Variants in PPP1R12A observed in about 807,000 individuals in gnomAD.
PPP1R12A encodes protein phosphatase 1 regulatory subunit 12A.
Under a neutral mutation model 139.6 loss-of-function variants are expected in PPP1R12A, and 19 were observed. The observed-to-expected ratio is 0.14, with a 90% CI of 0.09 to 0.20. The LOEUF (loss-of-function observed/expected upper bound fraction) is 0.20. Among genes scored for constraint, PPP1R12A ranks in the 10% least tolerant of loss-of-function variants. The pLI is 1.00. For synonymous variants in PPP1R12A, 427 were observed against 420.6 expected (o/e 1.02, Z -0.19); for missense variants, 925 against 1,211.5 (o/e 0.76, Z 3.51).
intron 2 of PPP1R12A, among the ~76,000 whole-genome samples, chr12:79,871,068 G>C (rs1220676693): frequency 6.6e-6 from 1 of 152,188 alleles, no homozygotes; most frequent in Non-Finnish European, 1.5e-5. Context: ...TTGTAACCAA[G>C]AGGGGAGAAG....
At chr12:79,876,838 T>C (rs61952067) in intron 1 of PPP1R12A, among the ~76,000 whole-genome samples, 275 of 152,094 alleles carry the variant, frequency 1.8e-3, no homozygotes, top group Non-Finnish European at 3.4e-3. Context: ...GGTGAAACCC[T>C]GTCTCTACTA....
At chr12:79,922,276 A>C (rs1592838523) in intron 1 of PPP1R12A, among the ~76,000 whole-genome samples, 1 of 152,208 alleles carries the variant, frequency 6.6e-6, no homozygotes, top group South Asian at 2.1e-4. Flanking sequence ...CAAAACAAAA[A>C]AAACAATAAA....
Position 79,889,086 on chromosome 12 carries a change from T to C in PPP1R12A, c.238-16148A>G, listed in dbSNP as rs559478344. Among the ~76,000 whole-genome samples the C allele has an allele frequency of 1.1e-4, 17 of 152,330 alleles. No homozygotes were observed. The South Asian group carries it at 2.3e-3, about 20-fold the overall frequency. On this transcript the variant is annotated intron_variant, in intron 1 of 24. Coordinates refer to ENST00000450142, the MANE Select transcript of PPP1R12A (RefSeq NM_002480.3). ...TAAAGAACTAATTTATGGACTAATATGAAACAAATTCCTGGATATTTTGCA... is the reference window on the plus strand; with the variant it reads ...TAAAGAACTAATTTATGGACTAATACGAAACAAATTCCTGGATATTTTGCA...
intron 10 of PPP1R12A, among the ~76,000 whole-genome samples, chr12:79,809,503 T>C (rs752406623): frequency 3.9e-5 from 6 of 152,150 alleles, no homozygotes; most frequent in African/African-American, 7.2e-5. Flanking sequence ...TCTTGAATCA[T>C]AATAAACAAA....
chr12:79,907,681 T>C (rs1886240969), intron 1 of PPP1R12A, among the ~76,000 whole-genome samples: 2 of 152,176 alleles, frequency 1.3e-5, no homozygotes, highest in African/African-American at 4.8e-5. Context: ...GGAGGATCAC[T>C]TGAGGCCAGC....
At chr12:79,860,430 A>G (rs1371863208) in intron 2 of PPP1R12A, among the ~76,000 whole-genome samples, 1 of 152,198 alleles carries the variant, frequency 6.6e-6, no homozygotes, top group Non-Finnish European at 1.5e-5. Flanking sequence ...ACAGTGGAGT[A>G]CTACAACTGA....
At chr12:79,801,808 T>C (rs1040573019) in intron 14 of PPP1R12A, among the ~76,000 whole-genome samples, 6 of 152,320 alleles carry the variant, frequency 3.9e-5, no homozygotes, top group African/African-American at 1.4e-4. Flanking sequence ...TGCTTAAAAT[T>C]AGTTCAGAAA....
Position 79,797,305 on chromosome 12 carries a change from C to T in PPP1R12A, c.2182G>A (p.Glu728Lys), listed in dbSNP as rs1438898187. Residue 728 changes from glutamate to lysine, a missense_variant, in exon 16 of 25, where the codon GAA becomes AAA. Around this residue, in one of 4 missense-constraint regions of PPP1R12A, gnomAD observed 315 missense variants for 363.4 expected, o/e 0.87. Coordinates refer to ENST00000450142, the MANE Select transcript of PPP1R12A (RefSeq NM_002480.3). ...RTREQENEEK[E>K]KEEKEKQDKE... ...TCTTGTTTCTCTTTTTCCTCTTTTT[C>T]TTTTTCTTCATTTTCTTGTTCTCTG... is the stretch of plus-strand genomic sequence containing the variant. The T allele has an allele frequency of 6.3e-7, 1 of 1,592,696 alleles. No homozygotes were observed. Among genetic ancestry groups the T allele is most frequent in the African/African-American group, 1.3e-5 (1 of 74,430 alleles).
At chr12:79,931,869 T>C (rs1418522905) in intron 1 of PPP1R12A, among the ~76,000 whole-genome samples, 3 of 152,320 alleles carry the variant, frequency 2.0e-5, no homozygotes, top group African/African-American at 7.2e-5. Flanking sequence ...CTTTTTCTTC[T>C]ATACAGAGGA....
At chr12:79,848,988 AGTTAT>A (rs1879734175) in intron 2 of PPP1R12A, 1 of 151,900 alleles carries the variant, frequency 6.6e-6, no homozygotes, top group African/African-American at 2.4e-5. Flanking sequence ...TATATTATTT[AGTTAT>A]AAGTTATATA....
At chr12:79,804,642 T>C (rs1163494490) in intron 14 of PPP1R12A, among the ~76,000 whole-genome samples, 1 of 150,862 alleles carries the variant, frequency 6.6e-6, no homozygotes, top group Non-Finnish European at 1.5e-5. Flanking sequence ...GTCAGTATTT[T>C]AGTAAAAAAA....
At chr12:79,855,689 C>T (rs936014380) in intron 2 of PPP1R12A, among the ~76,000 whole-genome samples, 1 of 151,034 alleles carries the variant, frequency 6.6e-6, no homozygotes, top group Admixed American at 6.6e-5. Context: ...TAACCAAACA[C>T]AAAATTATTT....
chr12:79,928,070 T>C (rs911974228), intron 1 of PPP1R12A, among the ~76,000 whole-genome samples: 3 of 152,230 alleles, frequency 2.0e-5, no homozygotes, highest in Non-Finnish European at 4.4e-5. Context: ...AATAGTTTTC[T>C]TTTAAAAATC....
chr12:79,935,005 AG>A lies in PPP1R12A; in HGVS notation c.-75del. The A allele has an allele frequency of 6.7e-7, 1 of 1,490,046 alleles. No individual in the cohort carries two copies. Among genetic ancestry groups the A allele is most frequent in the Non-Finnish European group, 8.9e-7 (1 of 1,117,886 alleles). The allele number at this position is 1,490,046 out of a possible 1,614,324, so 92.3% of individuals were successfully genotyped here. On this transcript the variant is annotated 5_prime_UTR_variant, in exon 1 of 25. Transcript: ENST00000450142. ...GGCGGAGAGGGAAGAGAGGGGAGGC[AG>A]GGGGTGTGTGAATGTTTCTATGAGT...
intron 1 of PPP1R12A, among the ~76,000 whole-genome samples, chr12:79,879,479 G>C (rs1419444663): frequency 6.6e-6 from 1 of 152,116 alleles, no homozygotes; most frequent in Non-Finnish European, 1.5e-5. Flanking sequence ...AAATACACAG[G>C]GTGGGGTGAG....
At position 79,821,120 on chromosome 12, in the gene PPP1R12A, G is replaced by C. The variant is rs2137113883; in HGVS notation, c.914C>G (p.Thr305Arg). The C allele has an allele frequency of 1.2e-6, 2 of 1,613,222 alleles. No individual in the cohort carries two copies. The highest frequency in any genetic ancestry group is 4.5e-5 in the East Asian group (2 of 44,808). ...RDKKSPLIES[T>R]ANMDNNQSQK... ...TGACTGATTATTGTCCATATTTGCT[G>C]TTGATTCAATTAGTGGAGATTTCTT... is the stretch of plus-strand genomic sequence containing the variant. Residue 305 changes from threonine to arginine, a missense_variant, in exon 7 of 25, where the codon ACA becomes AGA. Coordinates refer to ENST00000450142, the MANE Select transcript of PPP1R12A (RefSeq NM_002480.3).
At chr12:79,905,353 C>T (rs373302462) in intron 1 of PPP1R12A, among the ~76,000 whole-genome samples, 122 of 118,382 alleles carry the variant, frequency 1.0e-3, no homozygotes, top group African/African-American at 3.4e-3. Flanking sequence ...CCCCCCACCC[C>T]TTTTTTTTTG....
At chr12:79,832,927 C>G (rs986056754) in intron 3 of PPP1R12A, among the ~76,000 whole-genome samples, 1 of 152,118 alleles carries the variant, frequency 6.6e-6, no homozygotes, top group Non-Finnish European at 1.5e-5. Context: ...GAGGTCCTGT[C>G]TTCATCTAAA....
At chr12:79,879,738 C>T (rs1387732721) in intron 1 of PPP1R12A, among the ~76,000 whole-genome samples, 1 of 152,072 alleles carries the variant, frequency 6.6e-6, no homozygotes, top group Non-Finnish European at 1.5e-5. Context: ...AGGGGGCTTT[C>T]CGGACAGTTG....
Sources: allele counts gnomAD v4.1 joint callset (sites outside exome capture counted in the v4.1 genomes callset), GRCh38; gene constraint gnomAD v4.1.1; regional missense constraint gnomAD v4.1.1; transcripts MANE v1.5; gene names NCBI Gene and HGNC (gene_info 2026-07-23, HGNC 2026-07-21).